The following AFDN variants were observed in gnomAD, a reference collection of about 807,000 sequenced individuals.
AFDN encodes the protein afadin, adherens junction formation factor, also known as afadin.
A neutral mutation model predicts 216.6 loss-of-function variants in AFDN; 68 were observed. The observed-to-expected ratio is 0.31, with a 90% CI of 0.26 to 0.38. The LOEUF (loss-of-function observed/expected upper bound fraction) is 0.38, where lower values mean the gene tolerates loss of function less well. Ranked by LOEUF, AFDN falls within the 10% of genes least tolerant of loss-of-function variation. The probability of loss-of-function intolerance (pLI) is 1.00; values close to 1 mark genes in which losing one functional copy is unlikely to be tolerated. For missense variants in AFDN, 2,136 were observed against 2,342.0 expected, an observed-to-expected ratio of 0.91 and a Z score of 1.82; for synonymous variants, 868 against 853.7, an observed-to-expected ratio of 1.02 and a Z score of -0.29.
intron 1 of AFDN, among the ~76,000 whole-genome samples, chr6:167,860,985 C>G (rs143847810): frequency 6.4e-4 from 98 of 152,278 alleles, no homozygotes; most frequent in Admixed American, 1.2e-3. Context: ...GTGATGTAGG[C>G]AGGTCTGGGG....
intron 11 of AFDN, among the ~76,000 whole-genome samples, chr6:167,902,092 C>CAAAA (rs35449284): frequency 7.3e-5 from 6 of 82,170 alleles, no homozygotes; most frequent in Non-Finnish European, 1.5e-4. Flanking sequence ...GACTTCATCT[C>CAAAA]AAAAAAAAAA....
At chr6:167,909,232 CTAAAT>C (rs1452422016) in intron 13 of AFDN, among the ~76,000 whole-genome samples, 1 of 151,748 alleles carries the variant, frequency 6.6e-6, no homozygotes, top group African/African-American at 2.4e-5. Flanking sequence ...AGATCATAAA[CTAAAT>C]AATCAACTCT....
intron 31 of AFDN, chr6:167,963,363 T>C (rs537954010): frequency 2.8e-6 from 3 of 1,059,300 alleles, no homozygotes; most frequent in South Asian, 4.6e-5. Flanking sequence ...TCTTCTCTGT[T>C]ACTTCCCTTC....
intron 4 of AFDN, among the ~76,000 whole-genome samples, chr6:167,874,215 TAGC>T (rs1253033901): frequency 1.3e-5 from 2 of 152,174 alleles, no homozygotes; most frequent in Non-Finnish European, 2.9e-5. Flanking sequence ...CTGGACTACA[TAGC>T]GAGACCCTGT....
At position 167,962,766 on chromosome 6, in the gene AFDN, A is replaced by G; in HGVS notation, c.4968+199A>G. ...TACCTCTCTTCTGGACTGTCTCCAG[A>G]TCCCCTTATCTGCCAAGTTTTGTCT... is the stretch of plus-strand genomic sequence containing the variant. On this transcript the variant is annotated intron_variant, in intron 31 of 33. Transcript: ENST00000683244. The surrounding 1 kb of genome is among the most constrained non-coding windows in gnomAD (Gnocchi z 5.2). The G allele has an allele frequency of 7.1e-7, 1 of 1,415,528 alleles. No individual in the cohort carries two copies. Among genetic ancestry groups the G allele is most frequent in the East Asian group, 2.5e-5 (1 of 40,334 alleles). 87.7% of individuals were successfully genotyped at this position (1,415,528 alleles called of 1,614,324 possible). A position where few individuals can be genotyped will look rare whatever the true frequency, so the allele number is the denominator to read the frequency against.
intron 6 of AFDN, among the ~76,000 whole-genome samples, chr6:167,888,790 A>G (rs1340549312): frequency 6.6e-6 from 1 of 152,210 alleles, no homozygotes; most frequent in Non-Finnish European, 1.5e-5. Flanking sequence ...TATGGTGGTT[A>G]TCCTAAGATA....
At chr6:167,872,124 G>A (rs1460604526) in intron 3 of AFDN, 90 bp from the exon 4 acceptor site, 29 of 1,189,700 alleles carry the variant, frequency 2.4e-5, no homozygotes, top group Non-Finnish European at 3.5e-5. Flanking sequence ...CACATGTTCG[G>A]CAGCATGTGA....
At chr6:167,924,964 C>T (rs1792317610) in intron 22 of AFDN, 41 bp from the exon 23 acceptor site, 2 of 1,402,222 alleles carry the variant, frequency 1.4e-6, no homozygotes, top group Non-Finnish European at 2.0e-6. Context: ...AGAAGCACTT[C>T]CATTTCAGTC....
At chr6:167,864,433 A>T in intron 1 of AFDN, 118 bp from the exon 2 acceptor site, 1 of 951,056 alleles carries the variant, frequency 1.1e-6, no homozygotes, top group Non-Finnish European at 1.7e-6. Context: ...TTAGTCTCAG[A>T]TGTTTATGAT....
At chr6:167,931,955 A>G (rs1051106177) in intron 23 of AFDN, among the ~76,000 whole-genome samples, 1 of 152,196 alleles carries the variant, frequency 6.6e-6, no homozygotes, top group African/African-American at 2.4e-5. Context: ...TCAAAGCCTC[A>G]GTTTCCTTGC....
intron 9 of AFDN, among the ~76,000 whole-genome samples, chr6:167,894,894 A>G (rs1788042464): frequency 6.6e-6 from 1 of 151,990 alleles, no homozygotes; most frequent in Non-Finnish European, 1.5e-5. Flanking sequence ...CTCTAAACAC[A>G]TTTTTCATGT....
At chr6:167,914,510 A>G (rs567107127) in intron 17 of AFDN, 134 bp from the exon 18 acceptor site, 29 of 894,568 alleles carry the variant, frequency 3.2e-5, no homozygotes, top group South Asian at 2.7e-4. Context: ...TCAGTGAGCT[A>G]TGTTTCAAGA....
intron 31 of AFDN, chr6:167,963,017 C>T: frequency 9.2e-7 from 1 of 1,082,656 alleles, no homozygotes; most frequent in Non-Finnish European, 1.1e-6. Context: ...ACTCAAATCA[C>T]TCACTTCTGG....
rs149978183 is a variant in AFDN at position 167,849,554 on chromosome 6, T to C, written c.106-14997T>C. Among the ~76,000 whole-genome samples the C allele has an allele frequency of 8.6e-3, 1,306 of 152,348 alleles. 29 individuals carry two copies. Among genetic ancestry groups the C allele is most frequent in the African/African-American group, 0.03 (1,242 of 41,572 alleles). Reference sequence around the variant, plus strand: ...CTTTACACATCTTACCATATTCTTATCATATTCTGTATCCCTGTCTTTGAG... The same window carrying C: ...CTTTACACATCTTACCATATTCTTACCATATTCTGTATCCCTGTCTTTGAG... On this transcript the variant is annotated intron_variant, in intron 1 of 33. Transcript: ENST00000683244.
intron 29 of AFDN, 26 bp downstream of exon 29, chr6:167,948,504 T>C: frequency 6.2e-7 from 1 of 1,600,244 alleles, no homozygotes; most frequent in Non-Finnish European, 8.6e-7. Context: ...TTCCACACAC[T>C]TTTCTCACCT....
intron 23 of AFDN, among the ~76,000 whole-genome samples, chr6:167,930,431 C>G (rs548015944): frequency 6.6e-6 from 1 of 152,154 alleles, no homozygotes; most frequent in Non-Finnish European, 1.5e-5. Flanking sequence ...TGGTCATTAT[C>G]CATGGCTGTT....
rs1016858890 is a variant in AFDN, at chr6:167,962,850, G to A, written c.4968+283G>A. On this transcript the variant is annotated intron_variant, in intron 31 of 33. Coordinates refer to ENST00000683244, the MANE Select transcript of AFDN (RefSeq NM_001386888.1). This position sits in a 1 kb window ranked among gnomAD's most constrained non-coding sequence, Gnocchi z 5.2. ...CAGTGAGCCTCTTTGCAAAGGGTTCGTTTCCTCGGGCACTCATCTTTACTG... is the reference window on the plus strand; with the variant it reads ...CAGTGAGCCTCTTTGCAAAGGGTTCATTTCCTCGGGCACTCATCTTTACTG... 1.4e-5 allele frequency: 17 copies of A among 1,246,240 alleles called. No homozygotes were observed. The Admixed American group carries it at 1.7e-4, about 13-fold the overall frequency. 77.2% of individuals were successfully genotyped at this position (1,246,240 alleles called of 1,614,324 possible). A position where few individuals can be genotyped will look rare whatever the true frequency, so the allele number is the denominator to read the frequency against.
chr6:167,908,458 T>C (rs1789992802), intron 13 of AFDN, among the ~76,000 whole-genome samples: 2 of 152,194 alleles, frequency 1.3e-5, no homozygotes, highest in African/African-American at 4.8e-5. Context: ...TTTGTACTTG[T>C]TTTTGTTGGT....
At chr6:167,944,116 A>T in intron 26 of AFDN, 57 bp downstream of exon 26, 2 of 1,351,288 alleles carry the variant, frequency 1.5e-6, no homozygotes, top group African/African-American at 1.4e-5. Context: ...TTGAATGGTC[A>T]CAAAACCCCC....
Sources: gnomAD v4.1 joint callset for allele counts (sites outside exome capture counted in the v4.1 genomes callset) on GRCh38, gnomAD v4.1.1 for gene constraint, Gnocchi (gnomAD v3.1) non-coding constraint, MANE v1.5 for transcripts, NCBI Gene and HGNC (gene_info 2026-07-23, HGNC 2026-07-21) for gene names.